The following PRKD3 variants were observed in gnomAD, a reference collection of about 807,000 sequenced individuals.
The protein encoded by PRKD3 is serine/threonine-protein kinase D3.
A neutral mutation model predicts 99.2 loss-of-function variants in PRKD3; 47 were observed. The ratio of observed to expected loss-of-function variants is 0.47; its 90% CI spans 0.38 to 0.60. PRKD3 has a LOEUF of 0.60. Among genes scored for constraint, PRKD3 ranks in the 20% least tolerant of loss-of-function variants. The probability of loss-of-function intolerance (pLI) is 0.00; values close to 1 mark genes in which losing one functional copy is unlikely to be tolerated. For synonymous variants in PRKD3, 392 were observed against 355.4 expected, an observed-to-expected ratio of 1.10 and a Z score of -1.16; for missense variants, 1,019 against 1,088.4, an observed-to-expected ratio of 0.94 and a Z score of 0.90.
chr2:37,263,006 C>T (rs972094794), intron 14 of PRKD3, among the ~76,000 whole-genome samples: 3 of 151,862 alleles, frequency 2.0e-5, no homozygotes, highest in African/African-American at 7.3e-5. Context: ...CACAGCAAAC[C>T]AGCTTTTGGC....
intron 16 of PRKD3, among the ~76,000 whole-genome samples, chr2:37,258,478 G>GT (rs759583655): frequency 1.3e-5 from 2 of 152,212 alleles, no homozygotes; most frequent in African/African-American, 4.8e-5. Flanking sequence ...CATAAAAAGC[G>GT]TATCAAGTAA....
intron 9 of PRKD3, 70 bp from the exon 10 acceptor site, chr2:37,275,914 TC>T: frequency 6.6e-7 from 1 of 1,514,386 alleles, no homozygotes; most frequent in South Asian, 1.3e-5. Flanking sequence ...ACCTAACTTT[TC>T]CCTTCATTTA....
intron 5 of PRKD3, among the ~76,000 whole-genome samples, chr2:37,288,554 G>A (rs958199602): frequency 6.6e-6 from 1 of 152,188 alleles, no homozygotes; most frequent in Non-Finnish European, 1.5e-5. Context: ...ACAGATGGAA[G>A]TCATTTCAAA....
In PRKD3 at chr2:37,286,213, G is replaced by C; in HGVS notation, c.874C>G (p.Leu292Val). Residue 292 changes from leucine to valine, a missense_variant, in exon 6 of 19, where the codon CTG (leucine) becomes GTG (valine). Physicochemically the swap from Leu to Val is conservative, Grantham distance 32 (BLOSUM62 1). Coordinates refer to ENST00000234179, the MANE Select transcript of PRKD3 (RefSeq NM_005813.6). ...PTICQYCKRL[L>V]KGLFRQGMQC... Reference sequence around the variant, plus strand: ...ATTCCTTGGCGAAAGAGGCCTTTCAGTAACCGCTTGCAGTACTGACATATC... The same window carrying C: ...ATTCCTTGGCGAAAGAGGCCTTTCACTAACCGCTTGCAGTACTGACATATC... 1 of 1,613,476 alleles carries C rather than the reference G, an allele frequency of 6.2e-7. No homozygotes were observed. The highest frequency in any genetic ancestry group is 8.5e-7 in the Non-Finnish European group (1 of 1,179,610).
intron 2 of PRKD3, among the ~76,000 whole-genome samples, chr2:37,314,352 A>G (rs1671570719): frequency 6.6e-6 from 1 of 152,196 alleles, no homozygotes; most frequent in South Asian, 2.1e-4. Context: ...TTATATTTGT[A>G]TAATTATCCT....
intron 8 of PRKD3, chr2:37,278,556 T>A (rs773395154): frequency 2.6e-5 from 4 of 152,310 alleles, no homozygotes; most frequent in African/African-American, 4.8e-5. Flanking sequence ...AAATTTGGGA[T>A]GTATGCATAA....
At chr2:37,269,719 T>A in intron 12 of PRKD3, 32 bp from the exon 13 acceptor site, 1 of 1,441,710 alleles carries the variant, frequency 6.9e-7, no homozygotes, top group Non-Finnish European at 9.7e-7. Flanking sequence ...TTAGTATTAT[T>A]TATTTCTATA....
At chr2:37,302,409 A>G (rs1558570931) in intron 2 of PRKD3, among the ~76,000 whole-genome samples, 2 of 152,214 alleles carry the variant, frequency 1.3e-5, no homozygotes, top group African/African-American at 4.8e-5. Flanking sequence ...CTTTTGTATT[A>G]AAGATGACTT....
Position 37,291,392 on chromosome 2 carries a change from T to C in PRKD3, c.428-393A>G, listed in dbSNP as rs1415579825. 2.6e-5 allele frequency among the ~76,000 whole-genome samples: 4 copies of C among 152,260 alleles called. No individual in the cohort carries two copies. In the East Asian group the frequency reaches 5.8e-4, roughly 22 times the overall value. Reference sequence around the variant, plus strand: ...ATGGAAACGTTTCTGTGGAAAAAGATACTGAGTCCTAATTTAGGATCCCAG... The same window carrying C: ...ATGGAAACGTTTCTGTGGAAAAAGACACTGAGTCCTAATTTAGGATCCCAG... On this transcript the variant is annotated intron_variant, in intron 3 of 18. Coordinates refer to ENST00000234179, the MANE Select transcript of PRKD3 (RefSeq NM_005813.6).
At chr2:37,263,495 C>G (rs1442041269) in intron 14 of PRKD3, among the ~76,000 whole-genome samples, 1 of 152,116 alleles carries the variant, frequency 6.6e-6, no homozygotes, top group Non-Finnish European at 1.5e-5. Flanking sequence ...TACTCCATTT[C>G]TCATGGACTA....
chr2:37,258,718 A>G (rs1232450932), intron 16 of PRKD3, among the ~76,000 whole-genome samples: 1 of 152,250 alleles, frequency 6.6e-6, no homozygotes, highest in Non-Finnish European at 1.5e-5. Flanking sequence ...ACATAAACAT[A>G]AAAAGAATAT....
chr2:37,272,418 T>G lies in PRKD3; in HGVS notation c.1666A>C (p.Ser556Arg). 1 of 1,606,382 alleles carries G rather than the reference T, an allele frequency of 6.2e-7. No individual in the cohort carries two copies. Among genetic ancestry groups the G allele is most frequent in the Non-Finnish European group, 8.5e-7 (1 of 1,177,784 alleles). ...ATCTGACAATTAGATACAGAGATACTTGTAGACAAATCTTCTGTAAAATAT... is the reference window on the plus strand; with the variant it reads ...ATCTGACAATTAGATACAGAGATACGTGTAGACAAATCTTCTGTAAAATAT... The part of the protein sequence containing the change: ...QGKDHKDLST[S>R]ISVSNCQIQE... The change falls in exon 12 of 19, where the codon AGT becomes CGT. Residue 556 changes from serine (S) to arginine (R), a missense_variant. Ser to Arg is a moderately radical substitution (Grantham distance 110). This residue lies in a region of PRKD3 where 710 missense variants were observed against 692.7 expected (regional missense o/e 1.02). Transcript: ENST00000234179.
intron 10 of PRKD3, 98 bp downstream of exon 10, chr2:37,275,669 A>G (rs886982824): frequency 2.3e-6 from 3 of 1,298,210 alleles, no homozygotes; most frequent in South Asian, 1.9e-5. Flanking sequence ...CATACTAGCT[A>G]GAGTCATATA....
At chr2:37,279,222 T>C (rs934925884) in intron 8 of PRKD3, 9 of 152,202 alleles carry the variant, frequency 5.9e-5, no homozygotes, top group African/African-American at 2.2e-4. Flanking sequence ...TCTATGAACA[T>C]AGTGGCATAT....
chr2:37,293,359 T>C (rs954843349), intron 2 of PRKD3, 88 bp from the exon 3 acceptor site: 13 of 1,295,914 alleles, frequency 1.0e-5, no homozygotes, highest in Non-Finnish European at 1.3e-5. Context: ...ATTTAAAACA[T>C]AGTGTTTTTA....
intron 3 of PRKD3, among the ~76,000 whole-genome samples, chr2:37,292,682 G>T (rs941358717): frequency 6.6e-6 from 1 of 151,762 alleles, no homozygotes; most frequent in East Asian, 1.9e-4. Flanking sequence ...GTCTCGCTCT[G>T]TTGTCCAGGC....
intron 14 of PRKD3, among the ~76,000 whole-genome samples, chr2:37,261,339 T>C (rs945682107): frequency 5.3e-5 from 8 of 151,570 alleles, no homozygotes; most frequent in African/African-American, 1.7e-4. Flanking sequence ...ATACAAAAAC[T>C]AACCAGGTGT....
intron 14 of PRKD3, among the ~76,000 whole-genome samples, chr2:37,263,573 G>A (rs1668625208): frequency 3.9e-5 from 6 of 152,154 alleles, no homozygotes; most frequent in Admixed American, 3.3e-4. Flanking sequence ...GTTATTTGGT[G>A]TAGTATGATT....
Position 37,279,635 on chromosome 2 carries a change from T to G in PRKD3, c.1172+111A>C, listed in dbSNP as rs374249180. The G allele has an allele frequency of 5.3e-4, 369 of 694,568 alleles. 4 individuals carry two copies. In the African/African-American group the frequency reaches 6.1e-3, roughly 11 times the overall value. The allele number at this position is 694,568 out of a possible 1,614,324, so 43.0% of individuals were successfully genotyped here. On this transcript the variant is annotated intron_variant, in intron 8 of 18. Transcript: ENST00000234179. ...GTAAAAGAATTAGCCACAATTTATT[T>G]AGATTTTAAATTACTTTTAAGGTCC...
Sources: gnomAD v4.1 joint callset for allele counts (sites outside exome capture counted in the v4.1 genomes callset) on GRCh38, gnomAD v4.1.1 for gene constraint, gnomAD v4.1.1 regional missense constraint, MANE v1.5 for transcripts, NCBI Gene and HGNC (gene_info 2026-07-23, HGNC 2026-07-21) for gene names.